The following B4GALNT2 variants were observed in gnomAD, a reference collection of about 807,000 sequenced individuals.
The protein encoded by B4GALNT2 is N-acetylneuraminylgalactosylglucosyl-glucoside beta-1,4-N- acetylgalactosaminyltransferase 2.
A neutral mutation model predicts 51.1 loss-of-function variants in B4GALNT2; 42 were observed. The observed-to-expected ratio is 0.82, with a 90% CI of 0.64 to 1.06. The LOEUF (loss-of-function observed/expected upper bound fraction) is 1.06, where lower values mean the gene tolerates loss of function less well. B4GALNT2 is among the 50% of genes least tolerant of loss of function. B4GALNT2 has a pLI of 0.00. For missense variants in B4GALNT2, 602 were observed against 633.6 expected, an observed-to-expected ratio of 0.95 and a Z score of 0.54; for synonymous variants, 253 against 251.7, an observed-to-expected ratio of 1.01 and a Z score of -0.05.
intron 9 of B4GALNT2, among the ~76,000 whole-genome samples, chr17:49,168,356 T>G (rs2042929225): frequency 6.6e-6 from 1 of 152,226 alleles, no homozygotes; most frequent in Non-Finnish European, 1.5e-5. Flanking sequence ...CTCTTACCTG[T>G]ACTGCAGTAC....
chr17:49,153,651 C>T (rs142247809), intron 4 of B4GALNT2, among the ~76,000 whole-genome samples: 313 of 151,472 alleles, frequency 2.1e-3, no homozygotes, highest in African/African-American at 6.7e-3. Context: ...AGATGACAGG[C>T]ATCTGCCACC....
chr17:49,125,066 A>C, the B4GALNT2 span, among the ~76,000 whole-genome samples: 10 of 152,200 alleles, frequency 6.6e-5, no homozygotes, highest in African/African-American at 2.4e-4. Flanking sequence ...TACCAAAACT[A>C]TATGTAAACT....
chr17:49,173,488 G>A lies in B4GALNT2; in HGVS notation c.*3760G>A, dbSNP rs2042970127. 6.6e-6 allele frequency: 1 copy of A among 152,174 alleles called. No individual in the cohort carries two copies. Among genetic ancestry groups the A allele is most frequent in the Admixed American group, 6.5e-5 (1 of 15,282 alleles). 9.4% of individuals were successfully genotyped at this position (152,174 alleles called of 1,614,324 possible). A position where few individuals can be genotyped will look rare whatever the true frequency, so the allele number is the denominator to read the frequency against. ...AAGTGGTTTGAATTTAGTTATTTTA[G>A]GGAGAATCCAATTAGTTAATTTCAA... On this transcript the variant is annotated 3_prime_UTR_variant, in exon 11 of 11. Coordinates refer to ENST00000393354, the MANE Select transcript of B4GALNT2 (RefSeq NM_001159387.2).
upstream of B4GALNT2, chr17:49,132,763 T>A: frequency 1.4e-6 from 2 of 1,388,038 alleles, no homozygotes; most frequent in Non-Finnish European, 9.3e-7. Flanking sequence ...CTCCGTGACA[T>A]CCGGCAGTCT....
chr17:49,155,601 C>CA (rs201121543), intron 4 of B4GALNT2, among the ~76,000 whole-genome samples: 1,742 of 140,152 alleles, frequency 0.012, 36 homozygotes, highest in African/African-American at 0.041. Flanking sequence ...GACCCCATCT[C>CA]AAAAAAAAAT....
intron 1 of B4GALNT2, among the ~76,000 whole-genome samples, chr17:49,138,217 C>G (rs1247452505): frequency 2.0e-5 from 3 of 152,180 alleles, no homozygotes; most frequent in African/African-American, 7.2e-5. Context: ...TAACTCAAGA[C>G]TGCATGATTT....
chr17:49,141,999 C>T (rs753693865), intron 2 of B4GALNT2, 36 bp from the exon 3 acceptor site: 1 of 1,612,652 alleles, frequency 6.2e-7, no homozygotes, highest in Non-Finnish European at 8.5e-7. Context: ...AGCCTACCCA[C>T]CCAATCCATG....
upstream of B4GALNT2, among the ~76,000 whole-genome samples, chr17:49,129,905 A>G (rs2042528840): frequency 6.6e-6 from 1 of 152,146 alleles, no homozygotes; most frequent in Non-Finnish European, 1.5e-5. Flanking sequence ...GTGGTTTTTG[A>G]TCAAGGTGAA....
chr17:49,130,386 C>T (rs1276428471), upstream of B4GALNT2, among the ~76,000 whole-genome samples: 1 of 152,202 alleles, frequency 6.6e-6, no homozygotes, highest in Admixed American at 6.5e-5. Flanking sequence ...GCCTGTAATC[C>T]CAGCACTTTG....
At position 49,166,106 on chromosome 17, in the gene B4GALNT2, A is replaced by G. The variant is rs777486789; in HGVS notation, c.955-8A>G. 6 of 1,613,336 alleles carry G rather than the reference A, an allele frequency of 3.7e-6. No individual in the cohort carries two copies. Among genetic ancestry groups the G allele is most frequent in the Admixed American group, 1.7e-5 (1 of 59,940 alleles). On this transcript the variant is annotated splice_polypyrimidine_tract_variant and splice_region_variant and intron_variant, in intron 8 of 10. Transcript: ENST00000393354. ...GCAACCACTCCTTTAACCTCATTTCATCTACAGGGTTGGTTTGCTGGTAGG... is the reference window on the plus strand; with the variant it reads ...GCAACCACTCCTTTAACCTCATTTCGTCTACAGGGTTGGTTTGCTGGTAGG...
chr17:49,126,008 G>A, the B4GALNT2 span, among the ~76,000 whole-genome samples: 1 of 126,118 alleles, frequency 7.9e-6, no homozygotes, highest in Non-Finnish European at 1.8e-5. Flanking sequence ...GTGCCCAGCA[G>A]CTCATTGAGA....
intron 1 of B4GALNT2, among the ~76,000 whole-genome samples, chr17:49,135,214 T>A (rs188850477): frequency 1.3e-5 from 2 of 152,354 alleles, no homozygotes; most frequent in East Asian, 3.9e-4. Context: ...AAATTACACA[T>A]ACACACACAG....
At position 49,159,136 on chromosome 17, in the gene B4GALNT2, A is replaced by G; in HGVS notation, c.598A>G (p.Ser200Gly). The G allele has an allele frequency of 6.2e-7, 1 of 1,614,184 alleles. No individual in the cohort carries two copies. Among genetic ancestry groups the G allele is most frequent in the East Asian group, 2.2e-5 (1 of 44,876 alleles). Residue 200 changes from serine to glycine, a missense_variant, in exon 6 of 11, where the codon AGT (serine) becomes GGT (glycine). Ser to Gly is a moderately conservative substitution (Grantham distance 56). Coordinates refer to ENST00000393354, the MANE Select transcript of B4GALNT2 (RefSeq NM_001159387.2). ...RGQKQLIIST[S>G]DRKLLKFILQ... ...CCAGAAGCAGCTGATCATTTCTACC[A>G]GTGACCGGAAGCTGTTGAAGTTCAT...
At chr17:49,157,951 A>G (rs1460321191) in intron 5 of B4GALNT2, among the ~76,000 whole-genome samples, 1 of 152,190 alleles carries the variant, frequency 6.6e-6, no homozygotes, top group South Asian at 2.1e-4. Context: ...CGGGAGTGAC[A>G]CTATTCAATT....
the B4GALNT2 span, among the ~76,000 whole-genome samples, chr17:49,123,800 G>A: frequency 2.6e-5 from 4 of 152,154 alleles, no homozygotes; most frequent in African/African-American, 7.2e-5. Flanking sequence ...ACCCTGTACA[G>A]GGACTGTGTA....
At chr17:49,141,161 AT>A in intron 1 of B4GALNT2, 85 bp from the exon 2 acceptor site, 1 of 1,320,648 alleles carries the variant, frequency 7.6e-7, no homozygotes, top group Non-Finnish European at 1.1e-6. Flanking sequence ...CTTAGCTTAC[AT>A]TTTTCCTGAA....
chr17:49,168,688 G>A lies in B4GALNT2; in HGVS notation c.1103G>A (p.Gly368Asp). ...TCTCTGCCTGCTGGCTAGGTAGGCG[G>A]CAGTGTGCTGGGAAATGTGTTCCAG... ...LEKTELDVVG[G>D]SVLGNVFQFK... The change falls in exon 10 of 11, where the codon GGC becomes GAC. Residue 368 changes from glycine to aspartate, a missense_variant. Coordinates refer to ENST00000393354, the MANE Select transcript of B4GALNT2 (RefSeq NM_001159387.2). 2 of 1,613,314 alleles carry A rather than the reference G, an allele frequency of 1.2e-6. No homozygotes were observed. Among genetic ancestry groups the A allele is most frequent in the African/African-American group, 1.3e-5 (1 of 75,044 alleles).
chr17:49,132,665 C>T, upstream of B4GALNT2: 3 of 1,149,916 alleles, frequency 2.6e-6, no homozygotes, highest in Non-Finnish European at 3.4e-6. Flanking sequence ...GGGCGGGGGC[C>T]GTCCCAAGCG....
chr17:49,133,478 A>C (rs1246706048), intron 1 of B4GALNT2, among the ~76,000 whole-genome samples: 2 of 152,176 alleles, frequency 1.3e-5, no homozygotes, highest in Non-Finnish European at 2.9e-5. Flanking sequence ...GATCAGACAT[A>C]CATTTGGTAT....
Sources: allele counts gnomAD v4.1 joint callset (sites outside exome capture counted in the v4.1 genomes callset), GRCh38; gene constraint gnomAD v4.1.1; transcripts MANE v1.5; gene names NCBI Gene and HGNC (gene_info 2026-07-23, HGNC 2026-07-21).